B3GALT1: variants seen among roughly 807,000 people sequenced by gnomAD.
B3GALT1 encodes the protein beta-1,3-galactosyltransferase 1.
B3GALT1 carries 10 observed loss-of-function variants against 23.2 expected under a neutral mutation model. That is an observed-to-expected ratio of 0.43 (90% CI 0.27 to 0.73). The LOEUF (loss-of-function observed/expected upper bound fraction) is 0.73, where lower values mean the gene tolerates loss of function less well. B3GALT1 is among the 30% of genes least tolerant of loss of function. The pLI is 0.21. For missense variants in B3GALT1, 299 were observed against 405.4 expected, an observed-to-expected ratio of 0.74 and a Z score of 2.25; for synonymous variants, 156 against 141.5, an observed-to-expected ratio of 1.10 and a Z score of -0.73.
chr2:167,776,805 T>G (rs1163559308), intron 3 of B3GALT1, among the ~76,000 whole-genome samples: 1 of 152,228 alleles, frequency 6.6e-6, no homozygotes, highest in Non-Finnish European at 1.5e-5. Context: ...AGAATAAGAT[T>G]TAGAAAAACT....
intron 3 of B3GALT1, among the ~76,000 whole-genome samples, chr2:167,710,272 A>C (rs187610500): frequency 1.9e-3 from 290 of 152,344 alleles, no homozygotes; most frequent in Non-Finnish European, 3.0e-3. Flanking sequence ...AAGTATCTTT[A>C]TTACTGTAAC....
At chr2:167,793,674 G>A (rs756991845) in intron 3 of B3GALT1, among the ~76,000 whole-genome samples, 8 of 152,218 alleles carry the variant, frequency 5.3e-5, no homozygotes, top group Admixed American at 1.3e-4. Flanking sequence ...TTGGAGACTC[G>A]GGAGATAAAG....
chr2:167,637,716 A>T (rs1685583416), intron 2 of B3GALT1, among the ~76,000 whole-genome samples: 1 of 151,520 alleles, frequency 6.6e-6, no homozygotes, highest in African/African-American at 2.4e-5. Context: ...TATATGATCA[A>T]TTTTTTCAGC....
chr2:167,401,239 T>G (rs142895066), intron 1 of B3GALT1, among the ~76,000 whole-genome samples: 6 of 152,256 alleles, frequency 3.9e-5, no homozygotes, highest in African/African-American at 1.4e-4. Context: ...TATTTGAAAT[T>G]AACCTTCCGT....
In B3GALT1 at chr2:167,353,370, C is replaced by T. The variant is rs566242135; in HGVS notation, c.-511+60036C>T. Among the ~76,000 whole-genome samples, 28 of 152,112 alleles carry T rather than the reference C, an allele frequency of 1.8e-4. 1 individual carries two copies. In the East Asian group the frequency reaches 3.5e-3, roughly 19 times the overall value. On this transcript the variant is annotated intron_variant, in intron 1 of 4. Transcript: ENST00000392690. ...CAAGAGTGTCCACTAAGATTCAAACCCTTCTGCAAGTTGGATGACTTGAGC... is the reference window on the plus strand; with the variant it reads ...CAAGAGTGTCCACTAAGATTCAAACTCTTCTGCAAGTTGGATGACTTGAGC...
intron 1 of B3GALT1, among the ~76,000 whole-genome samples, chr2:167,298,933 G>T (rs1696401941): frequency 1.3e-5 from 2 of 151,914 alleles, no homozygotes; most frequent in South Asian, 4.2e-4. Flanking sequence ...GATAATGAGA[G>T]AATTTTAAAC....
At chr2:167,646,263 T>C (rs1685747381) in intron 2 of B3GALT1, among the ~76,000 whole-genome samples, 1 of 152,110 alleles carries the variant, frequency 6.6e-6, no homozygotes. Flanking sequence ...GCAGGTTGGG[T>C]AAAGGAAGAT....
chr2:167,442,013 A>T (rs902021708), intron 1 of B3GALT1, among the ~76,000 whole-genome samples: 1 of 151,886 alleles, frequency 6.6e-6, no homozygotes, highest in South Asian at 2.1e-4. Flanking sequence ...ATATCTCCCA[A>T]TGCTATCCCT....
intron 1 of B3GALT1, among the ~76,000 whole-genome samples, chr2:167,306,542 G>T (rs1696554970): frequency 6.6e-6 from 1 of 151,890 alleles, no homozygotes; most frequent in South Asian, 2.1e-4. Context: ...CTGAATATTA[G>T]TCATGGTTTT....
intron 1 of B3GALT1, among the ~76,000 whole-genome samples, chr2:167,387,787 TAGTG>T (rs1022253573): frequency 1.1e-4 from 16 of 152,142 alleles, no homozygotes; most frequent in African/African-American, 3.6e-4. Context: ...AAAAAATAGT[TAGTG>T]TTAATCTCTA....
intron 1 of B3GALT1, among the ~76,000 whole-genome samples, chr2:167,465,277 A>G (rs1439008327): frequency 2.0e-5 from 3 of 152,196 alleles, no homozygotes; most frequent in African/African-American, 7.2e-5. Flanking sequence ...TACAGTGTGT[A>G]TGTTTTTAAC....
At chr2:167,399,066 C>A (rs1412266941) in intron 1 of B3GALT1, among the ~76,000 whole-genome samples, 1 of 152,184 alleles carries the variant, frequency 6.6e-6, no homozygotes, top group Non-Finnish European at 1.5e-5. Flanking sequence ...CTGGCAGAAA[C>A]ATTTTTACAG....
chr2:167,753,752 C>T (rs1195931597), intron 3 of B3GALT1, among the ~76,000 whole-genome samples: 4 of 152,184 alleles, frequency 2.6e-5, no homozygotes, highest in Non-Finnish European at 5.9e-5. Context: ...CTTTCATTCA[C>T]ACTGCTTCAC....
chr2:167,606,420 C>T (rs1335886058), intron 2 of B3GALT1, among the ~76,000 whole-genome samples: 1 of 152,156 alleles, frequency 6.6e-6, no homozygotes, highest in African/African-American at 2.4e-5. Context: ...TAAACTTATT[C>T]ATTATCATTT....
At chr2:167,484,628 T>C (rs536753875) in intron 1 of B3GALT1, among the ~76,000 whole-genome samples, 1 of 152,164 alleles carries the variant, frequency 6.6e-6, no homozygotes, top group African/African-American at 2.4e-5. Context: ...AAGGAGTGTC[T>C]AGGTTAAGAA....
chr2:167,510,863 A>G (rs746163134), intron 2 of B3GALT1, among the ~76,000 whole-genome samples: 2 of 152,202 alleles, frequency 1.3e-5, no homozygotes, highest in Non-Finnish European at 2.9e-5. Context: ...TATCTGGAGT[A>G]TAGGTATAAA....
chr2:167,590,437 C>G (rs1684659895), intron 2 of B3GALT1, among the ~76,000 whole-genome samples: 1 of 151,664 alleles, frequency 6.6e-6, no homozygotes, highest in African/African-American at 2.4e-5. Flanking sequence ...AGCAAGCCAC[C>G]ATGGCACGTT....
At chr2:167,329,347 C>T (rs769845673) in intron 1 of B3GALT1, among the ~76,000 whole-genome samples, 7 of 152,054 alleles carry the variant, frequency 4.6e-5, no homozygotes, top group Non-Finnish European at 8.8e-5. Flanking sequence ...AGTTTTATTC[C>T]GTACTGGTCT....
At chr2:167,386,847 A>AT (rs921065098) in intron 1 of B3GALT1, among the ~76,000 whole-genome samples, 6 of 152,152 alleles carry the variant, frequency 3.9e-5, no homozygotes, top group African/African-American at 1.4e-4. Context: ...AACTTAAACC[A>AT]TTTTTCCCCA....
Sources: gnomAD v4.1 joint callset for allele counts (sites outside exome capture counted in the v4.1 genomes callset) on GRCh38, gnomAD v4.1.1 for gene constraint, MANE v1.5 for transcripts, NCBI Gene and HGNC (gene_info 2026-07-23, HGNC 2026-07-21) for gene names.